The following ACSS2 variants were observed in gnomAD, a reference collection of about 807,000 sequenced individuals.
ACSS2 encodes acyl-CoA synthetase short chain family member 2.
A neutral mutation model predicts 90.6 loss-of-function variants in ACSS2; 58 were observed. The observed-to-expected ratio is 0.64, with a 90% CI of 0.52 to 0.80. ACSS2 has a LOEUF of 0.80. Among genes scored for constraint, ACSS2 ranks in the 30% least tolerant of loss-of-function variants. The pLI is 0.00. For missense variants in ACSS2, 759 were observed against 912.0 expected (o/e 0.83, Z 2.16); for synonymous variants, 300 against 330.9 (o/e 0.91, Z 1.01).
At position 34,905,474 on chromosome 20, in the gene ACSS2, G is replaced by A. The variant is rs190635105; in HGVS notation, c.375-7622G>A. On this transcript the variant is annotated intron_variant, in intron 2 of 17. Transcript: ENST00000360596. ...TTTTTAGTAGAGATGGGGTTTCACCGTCCTCTCGATCTCCTGACCTCATGA... is the reference window on the plus strand; with the variant it reads ...TTTTTAGTAGAGATGGGGTTTCACCATCCTCTCGATCTCCTGACCTCATGA... 4.7e-3 allele frequency among the ~76,000 whole-genome samples: 706 copies of A among 151,152 alleles called. 1 individual carries two copies. Among genetic ancestry groups the A allele is most frequent in the Non-Finnish European group, 7.5e-3 (505 of 67,720 alleles).
At chr20:34,922,040 C>T (rs1294455113) in intron 13 of ACSS2, 174 bp downstream of exon 13, 2 of 1,372,890 alleles carry the variant, frequency 1.5e-6, no homozygotes, top group African/African-American at 1.4e-5. Flanking sequence ...ACTTTGCCTG[C>T]ATCTCTTCCT....
intron 2 of ACSS2, among the ~76,000 whole-genome samples, chr20:34,902,259 A>C (rs1159820345): frequency 6.6e-6 from 1 of 152,210 alleles, no homozygotes; most frequent in Non-Finnish European, 1.5e-5. Context: ...CTAGTAGGGA[A>C]GATAGGAAAT....
At position 34,920,861 on chromosome 20, in the gene ACSS2, C is replaced by T. The variant is rs2081181008; in HGVS notation, c.1144-145C>T. 6 of 1,476,488 alleles carry T rather than the reference C, an allele frequency of 4.1e-6. No individual in the cohort carries two copies. The South Asian group carries it at 7.6e-5, about 19-fold the overall frequency. 91.5% of individuals were successfully genotyped at this position (1,476,488 alleles called of 1,614,324 possible). A position where few individuals can be genotyped will look rare whatever the true frequency, so the allele number is the denominator to read the frequency against. On this transcript the variant is annotated intron_variant, in intron 9 of 17. Coordinates refer to ENST00000360596, the MANE Select transcript of ACSS2 (RefSeq NM_018677.4). ...GTCCTGAGGGGGTTGCGTATCCTGA[C>T]TAGGATGGTATCTTGGCTTGTCTGG...
Position 34,927,116 on chromosome 20 carries a change from A to G in ACSS2, c.2008A>G (p.Ile670Val). The G allele has an allele frequency of 6.2e-7, 1 of 1,614,148 alleles. No individual in the cohort carries two copies. The highest frequency in any genetic ancestry group is 1.1e-5 in the South Asian group (1 of 91,086). Residue 670 changes from isoleucine (I) to valine (V), a missense_variant, in exon 18 of 18, where the codon ATT becomes GTT. Ile to Val is a conservative substitution (Grantham distance 29). Coordinates refer to ENST00000360596, the MANE Select transcript of ACSS2 (RefSeq NM_018677.4). The surrounding 1 kb of genome is among the most constrained non-coding windows in gnomAD (Gnocchi z 4.2). Reference protein sequence around the residue: ...GKIMRRVLRKIAQNDHDLGDM... With the variant: ...GKIMRRVLRKVAQNDHDLGDM... ...AATCATGAGGCGAGTGCTTCGGAAG[A>G]TTGCTCAGAATGACCATGACCTCGG...
chr20:34,913,818 C>G lies in ACSS2; in HGVS notation c.636C>G (p.Ile212Met), dbSNP rs752445483. 1.9e-6 allele frequency: 3 copies of G among 1,613,990 alleles called. No individual in the cohort carries two copies. Among genetic ancestry groups the G allele is most frequent in the Non-Finnish European group, 2.5e-6 (3 of 1,179,892 alleles). Reference sequence around the variant, plus strand: ...TGGATTCCAGCTGCAGTCTTCTCATCACTACAGGTGACTAATTCTCTCACC... The same window carrying G: ...TGGATTCCAGCTGCAGTCTTCTCATGACTACAGGTGACTAATTCTCTCACC... ...RILDSSCSLL[I>M]TTDAFYRGEK... is the part of the protein sequence containing the mutation. Residue 212 changes from isoleucine (I) to methionine (M), a missense_variant, in exon 5 of 18, where the codon ATC becomes ATG. Transcript: ENST00000360596.
intron 1 of ACSS2, among the ~76,000 whole-genome samples, chr20:34,879,710 C>T (rs889580482): frequency 4.6e-5 from 7 of 152,056 alleles, no homozygotes; most frequent in Non-Finnish European, 1.0e-4. Context: ...CCAGCCTGGG[C>T]GACACAGCGA....
Position 34,905,890 on chromosome 20 carries a change from G to C in ACSS2, c.375-7206G>C, listed in dbSNP as rs79891619. Among the ~76,000 whole-genome samples the C allele has an allele frequency of 1.2e-4, 19 of 152,302 alleles. No homozygotes were observed. In the East Asian group the frequency reaches 3.7e-3, roughly 29 times the overall value. On this transcript the variant is annotated intron_variant, in intron 2 of 17. Coordinates refer to ENST00000360596, the MANE Select transcript of ACSS2 (RefSeq NM_018677.4). ...CCGTGCCTAGATCCTGCCAATTTTT[G>C]AGCTTGCAGCTCCTGGTGTAGAGGA...
intron 7 of ACSS2, among the ~76,000 whole-genome samples, chr20:34,916,850 C>T (rs905614092): frequency 3.9e-5 from 6 of 152,198 alleles, no homozygotes; most frequent in Admixed American, 2.6e-4. Context: ...ATTCCTCTCC[C>T]GTACATGGCA....
chr20:34,882,515 G>A (rs568533501), intron 1 of ACSS2, among the ~76,000 whole-genome samples: 2 of 152,116 alleles, frequency 1.3e-5, no homozygotes, highest in South Asian at 2.1e-4. Context: ...CCAGCTACTC[G>A]GGAGGCTGAG....
Position 34,898,226 on chromosome 20 carries a change from G to C in ACSS2, c.375-14870G>C, listed in dbSNP as rs143981904. Among the ~76,000 whole-genome samples the C allele has an allele frequency of 7.4e-3, 1,122 of 152,272 alleles. 16 individuals carry two copies. The highest frequency in any genetic ancestry group is 0.026 in the African/African-American group (1,083 of 41,544). ...CCACAGTGTGGAAGGGGACCTGAGC[G>C]GGTTACCACTGCTGGCTGGGGCAGC... On this transcript the variant is annotated intron_variant, in intron 2 of 17. Coordinates refer to ENST00000360596, the MANE Select transcript of ACSS2 (RefSeq NM_018677.4).
intron 1 of ACSS2, 21 bp downstream of exon 1, chr20:34,876,844 G>T (rs1471216062): frequency 1.6e-6 from 2 of 1,270,834 alleles, no homozygotes; most frequent in Non-Finnish European, 2.0e-6. Flanking sequence ...GCCCGGGCGG[G>T]CCTGGGGTGT....
At chr20:34,875,121 C>G (rs1004800151), upstream of ACSS2, 1 of 534,590 alleles carries the variant, frequency 1.9e-6, no homozygotes, top group African/African-American at 1.9e-5. Flanking sequence ...GTGGGCACTT[C>G]TTTGTGGTGA....
At chr20:34,916,623 A>C (rs540199939) in intron 7 of ACSS2, among the ~76,000 whole-genome samples, 3 of 152,378 alleles carry the variant, frequency 2.0e-5, no homozygotes, top group Admixed American at 2.0e-4. Flanking sequence ...AAATAGGCTT[A>C]AAAAGTCCAG....
intron 2 of ACSS2, among the ~76,000 whole-genome samples, chr20:34,892,843 C>T (rs2080366577): frequency 6.6e-6 from 1 of 152,156 alleles, no homozygotes; most frequent in Non-Finnish European, 1.5e-5. Flanking sequence ...TCTGGAATCC[C>T]TAGGGATTTG....
chr20:34,921,406 C>CGGGTGGT lies in ACSS2; in HGVS notation c.1355_1361dup (p.Ala456GlyfsTer50), dbSNP rs1452648808. 1.2e-6 allele frequency: 2 copies of CGGGTGGT among 1,614,082 alleles called. No individual in the cohort carries two copies. Among genetic ancestry groups the CGGGTGGT allele is most frequent in the Non-Finnish European group, 1.7e-6 (2 of 1,180,044 alleles). On this transcript the variant is annotated frameshift_variant, in exon 11 of 18. Coordinates refer to ENST00000360596, the MANE Select transcript of ACSS2 (RefSeq NM_018677.4). LOFTEE classifies it high-confidence loss of function. ...CCCTGAGGCCTGGCTATGGTACCAC[C>CGGGTGGT]GGGTGGTAGGTGCCCAGCGCTGCCC...
At chr20:34,922,027 G>C in intron 13 of ACSS2, 161 bp downstream of exon 13, 1 of 1,399,320 alleles carries the variant, frequency 7.1e-7, no homozygotes, top group Non-Finnish European at 9.3e-7. Flanking sequence ...GGGGACCCTC[G>C]ATACTTTGCC....
At chr20:34,906,995 A>G (rs2080822862) in intron 2 of ACSS2, among the ~76,000 whole-genome samples, 1 of 151,688 alleles carries the variant, frequency 6.6e-6, no homozygotes, top group Admixed American at 6.6e-5. Flanking sequence ...AAAAAAAAAA[A>G]AAAAAAAAAG....
chr20:34,909,932 G>T (rs2080908742), intron 2 of ACSS2, among the ~76,000 whole-genome samples: 1 of 151,880 alleles, frequency 6.6e-6, no homozygotes. Flanking sequence ...GGCCAGGCTG[G>T]TCTCAAACTC....
rs58808978 is a variant in ACSS2, at chr20:34,925,659, G to A, written c.1658-39G>A. ...GGTAATGTGGATCAGGTATCCTACC[G>A]TAGGGTTTTTATTTATTAGGTTTTG... On this transcript the variant is annotated intron_variant, in intron 14 of 17. Transcript: ENST00000360596. 4.5e-5 allele frequency: 72 copies of A among 1,591,690 alleles called. No homozygotes were observed. The Admixed American group carries it at 5.0e-4, about 11-fold the overall frequency.
Sources: gnomAD v4.1 joint callset for allele counts (sites outside exome capture counted in the v4.1 genomes callset) on GRCh38, gnomAD v4.1.1 for gene constraint, Gnocchi (gnomAD v3.1) non-coding constraint, MANE v1.5 for transcripts, NCBI Gene and HGNC (gene_info 2026-07-23, HGNC 2026-07-21) for gene names.